Variants in DPP9 observed in about 807,000 individuals in gnomAD.
DPP9 encodes dipeptidyl peptidase 9, also known as dipeptidyl peptidase IV-related protein-2.
DPP9 carries 50 observed loss-of-function variants against 110.7 expected under a neutral mutation model. The observed-to-expected ratio is 0.45, with a 90% CI of 0.36 to 0.57. The LOEUF is 0.57. DPP9 is among the 20% of genes least tolerant of loss of function. DPP9 has a pLI of 0.00. For synonymous variants in DPP9, 561 were observed against 514.4 expected (o/e 1.09, Z -1.23); for missense variants, 1,022 against 1,217.9 (o/e 0.84, Z 2.39).
In DPP9 at chr19:4,685,075, C is replaced by G. The variant is rs1464343053; in HGVS notation, c.2032-266G>C. 3.1e-6 allele frequency: 2 copies of G among 642,228 alleles called. No individual in the cohort carries two copies. Among genetic ancestry groups the G allele is most frequent in the Non-Finnish European group, 5.8e-6 (2 of 346,784 alleles). 39.8% of individuals were successfully genotyped at this position (642,228 alleles called of 1,614,324 possible). On this transcript the variant is annotated intron_variant, in intron 17 of 21. Coordinates refer to ENST00000262960, the MANE Select transcript of DPP9 (RefSeq NM_139159.5). This position sits in a 1 kb window ranked among gnomAD's most constrained non-coding sequence, Gnocchi z 5.8. Reference sequence around the variant, plus strand: ...GCCCCAGTCCTGCCTGGAACAACTACTCTGGCATGATGGACATTGGGGTGG... The same window carrying G: ...GCCCCAGTCCTGCCTGGAACAACTAGTCTGGCATGATGGACATTGGGGTGG...
chr19:4,713,509 C>T (rs994826592), intron 4 of DPP9, among the ~76,000 whole-genome samples: 2 of 152,104 alleles, frequency 1.3e-5, no homozygotes, highest in Non-Finnish European at 1.5e-5. Context: ...AGTGTGGATC[C>T]AGAGCCTGCA....
intron 11 of DPP9, among the ~76,000 whole-genome samples, chr19:4,697,152 G>A (rs1452336805): frequency 6.6e-6 from 1 of 151,798 alleles, no homozygotes; most frequent in Non-Finnish European, 1.5e-5. Flanking sequence ...TGGGGCCCCC[G>A]TTTAGGGAGG....
At position 4,694,575 on chromosome 19, in the gene DPP9, G is replaced by T. The variant is rs569998300; in HGVS notation, c.1516+86C>A. 93 of 1,462,696 alleles carry T rather than the reference G, an allele frequency of 6.4e-5. No homozygotes were observed. In the South Asian group the frequency reaches 9.9e-4, roughly 16 times the overall value. 90.6% of individuals were successfully genotyped at this position (1,462,696 alleles called of 1,614,324 possible). A position where few individuals can be genotyped will look rare whatever the true frequency, so the allele number is the denominator to read the frequency against. On this transcript the variant is annotated intron_variant, in intron 13 of 21. Transcript: ENST00000262960. The surrounding 1 kb of genome is among the most constrained non-coding windows in gnomAD (Gnocchi z 4.0). ...CTCCCGCAGGGTGTGCTGGCTGAGTGGGGGGGCCGACCAATGAACAAACAG... is the reference window on the plus strand; with the variant it reads ...CTCCCGCAGGGTGTGCTGGCTGAGTTGGGGGGCCGACCAATGAACAAACAG...
At position 4,710,232 on chromosome 19, in the gene DPP9, T is replaced by TG. The variant is rs143151614; in HGVS notation, c.313+3848dup. 2.6e-5 allele frequency among the ~76,000 whole-genome samples: 4 copies of TG among 151,478 alleles called. No individual in the cohort carries two copies. The highest frequency in any genetic ancestry group is 9.7e-5 in the African/African-American group (4 of 41,148). On this transcript the variant is annotated intron_variant, in intron 4 of 21. Coordinates refer to ENST00000262960, the MANE Select transcript of DPP9 (RefSeq NM_139159.5). This position sits in a 1 kb window ranked among gnomAD's most constrained non-coding sequence, Gnocchi z 5.6. ...CTGTGGCCTCGAGTGGCTGGCCTGGTGGGGGATCGTGATCCACACAGGGCT... is the reference window on the plus strand; with the variant it reads ...CTGTGGCCTCGAGTGGCTGGCCTGGTGGGGGGATCGTGATCCACACAGGGCT...
At chr19:4,690,761 G>T in intron 14 of DPP9, 117 bp downstream of exon 14, 4 of 836,234 alleles carry the variant, frequency 4.8e-6, no homozygotes, top group Non-Finnish European at 7.8e-6. Context: ...GTGTATGTGT[G>T]AGAATGAGTA....
In DPP9 at chr19:4,700,471, A is replaced by G. The variant is rs543585285; in HGVS notation, c.1013-194T>C. The stretch of plus-strand genomic sequence containing the variant: ...CTGCTGGAACAGGCATGACACCCTC[A>G]GGTGGGGACCTTCTGACTTTGGGCC... On this transcript the variant is annotated intron_variant, in intron 9 of 21. Coordinates refer to ENST00000262960, the MANE Select transcript of DPP9 (RefSeq NM_139159.5). The surrounding 1 kb of genome is among the most constrained non-coding windows in gnomAD (Gnocchi z 4.3). Among the ~76,000 whole-genome samples the G allele has an allele frequency of 5.3e-5, 8 of 152,324 alleles. No homozygotes were observed. The highest frequency in any genetic ancestry group is 3.9e-4 in the Admixed American group (6 of 15,300).
At chr19:4,716,712 G>A (rs2093097091) in intron 3 of DPP9, among the ~76,000 whole-genome samples, 1 of 152,070 alleles carries the variant, frequency 6.6e-6, no homozygotes, top group Non-Finnish European at 1.5e-5. Flanking sequence ...ACTTGGGCTT[G>A]TGACAGCCCA....
At position 4,704,126 on chromosome 19, in the gene DPP9, C is replaced by A; in HGVS notation, c.600+5G>T. 1 of 1,613,934 alleles carries A rather than the reference C, an allele frequency of 6.2e-7. No homozygotes were observed. Among genetic ancestry groups the A allele is most frequent in the East Asian group, 2.2e-5 (1 of 44,894 alleles). ...CCCCCGCACACAGCCAGGGCCAGGGCTCACCATGAAGCCGTTCTTGCCGCC... is the reference window on the plus strand; with the variant it reads ...CCCCCGCACACAGCCAGGGCCAGGGATCACCATGAAGCCGTTCTTGCCGCC... On this transcript the variant is annotated splice_donor_5th_base_variant and intron_variant, in intron 6 of 21. Transcript: ENST00000262960. The surrounding 1 kb of genome is among the most constrained non-coding windows in gnomAD (Gnocchi z 6.0).
In DPP9 at chr19:4,719,834, T is replaced by G. The variant is rs1183389457; in HGVS notation, c.56+17A>C. On this transcript the variant is annotated intron_variant, in intron 3 of 21. Coordinates refer to ENST00000262960, the MANE Select transcript of DPP9 (RefSeq NM_139159.5). The stretch of plus-strand genomic sequence containing the variant: ...GGCCACATCCTCACGGATCAGGGCC[T>G]CCGAGGCCAACCTCACCTTCTCCAA... 4 of 1,551,744 alleles carry G rather than the reference T, an allele frequency of 2.6e-6. No homozygotes were observed. In the East Asian group the frequency reaches 9.8e-5, roughly 38 times the overall value.
chr19:4,713,891 C>T (rs749068290), intron 4 of DPP9, among the ~76,000 whole-genome samples, 190 bp downstream of exon 4: 3 of 152,306 alleles, frequency 2.0e-5, no homozygotes, highest in Admixed American at 6.5e-5. Context: ...GGGGCCGCCC[C>T]ACCCACCCCG....
rs1306213465 is a variant in DPP9 at position 4,694,887 on chromosome 19, C to T, written c.1354-64G>A. On this transcript the variant is annotated intron_variant, in intron 12 of 21. Coordinates refer to ENST00000262960, the MANE Select transcript of DPP9 (RefSeq NM_139159.5). The surrounding 1 kb of genome is among the most constrained non-coding windows in gnomAD (Gnocchi z 4.0). ...GGGTGGCCGGGCATGGTGGCTCACA[C>T]CAGTAATCCCAGTAGTTTGGGAGGC... The T allele has an allele frequency of 6.6e-6, 10 of 1,526,652 alleles. No individual in the cohort carries two copies. Among genetic ancestry groups the T allele is most frequent in the African/African-American group, 1.4e-5 (1 of 73,150 alleles). 94.6% of individuals were successfully genotyped at this position (1,526,652 alleles called of 1,614,324 possible).
Position 4,684,940 on chromosome 19 carries a change from G to A in DPP9, c.2032-131C>T, listed in dbSNP as rs375654951. 91 of 1,217,550 alleles carry A rather than the reference G, an allele frequency of 7.5e-5. No homozygotes were observed. Among genetic ancestry groups the A allele is most frequent in the South Asian group, 1.4e-4 (11 of 76,872 alleles). The allele number at this position is 1,217,550 out of a possible 1,614,324, so 75.4% of individuals were successfully genotyped here. A position where few individuals can be genotyped will look rare whatever the true frequency, so the allele number is the denominator to read the frequency against. Reference sequence around the variant, plus strand: ...AGCCTAATGAAAGCACCTGTGCCCCGGAGGCTCTGGATGGACACCTGGGAG... The same window carrying A: ...AGCCTAATGAAAGCACCTGTGCCCCAGAGGCTCTGGATGGACACCTGGGAG... On this transcript the variant is annotated intron_variant, in intron 17 of 21. Coordinates refer to ENST00000262960, the MANE Select transcript of DPP9 (RefSeq NM_139159.5). This position sits in a 1 kb window ranked among gnomAD's most constrained non-coding sequence, Gnocchi z 4.8.
chr19:4,719,362 AT>A (rs1482839845), intron 3 of DPP9: 2 of 151,600 alleles, frequency 1.3e-5, no homozygotes, highest in African/African-American at 2.4e-5. Flanking sequence ...AAATAAATAA[AT>A]AAATAAAAAT....
rs530293256 is a variant in DPP9, at chr19:4,718,700, A to G, written c.56+1151T>C. Among the ~76,000 whole-genome samples the G allele has an allele frequency of 2.0e-4, 30 of 152,270 alleles. No individual in the cohort carries two copies. In the South Asian group the frequency reaches 3.1e-3, roughly 16 times the overall value. ...GGAAGGGACACAGATCCCCTTCAGTAACTGACCCCTAAGGCATGTGCCCAC... is the reference window on the plus strand; with the variant it reads ...GGAAGGGACACAGATCCCCTTCAGTGACTGACCCCTAAGGCATGTGCCCAC... On this transcript the variant is annotated intron_variant, in intron 3 of 21. Coordinates refer to ENST00000262960, the MANE Select transcript of DPP9 (RefSeq NM_139159.5). This position sits in a 1 kb window ranked among gnomAD's most constrained non-coding sequence, Gnocchi z 4.3.
chr19:4,695,526 TG>T lies in DPP9; in HGVS notation c.1204del (p.Gln402SerfsTer25). ...YAWAMFLDRPQQWLQLVLLPP... is the reference protein window; with the variant it reads ...YAWAMFLDRPXQWLQLVLLPP... ...GAGGAGGACGAGCTGGAGCCACTGC[TG>T]GGGCCGGTCCAGGAACATGGCCCAG... On this transcript the variant is annotated frameshift_variant, in exon 12 of 22. Transcript: ENST00000262960. LOFTEE classifies it high-confidence loss of function. This position sits in a 1 kb window ranked among gnomAD's most constrained non-coding sequence, Gnocchi z 4.7. The T allele has an allele frequency of 6.6e-7, 1 of 1,512,264 alleles. No homozygotes were observed. Among genetic ancestry groups the T allele is most frequent in the South Asian group, 1.3e-5 (1 of 75,590 alleles). 93.7% of individuals were successfully genotyped at this position (1,512,264 alleles called of 1,614,324 possible).
intron 4 of DPP9, among the ~76,000 whole-genome samples, chr19:4,707,392 C>G (rs2092636769): frequency 6.6e-6 from 1 of 152,070 alleles, no homozygotes; most frequent in Non-Finnish European, 1.5e-5. Flanking sequence ...CCCTGGGAAG[C>G]CTCGGTTTCC....
At chr19:4,722,042 G>T (rs2093347370) in intron 2 of DPP9, among the ~76,000 whole-genome samples, 1 of 152,164 alleles carries the variant, frequency 6.6e-6, no homozygotes, top group African/African-American at 2.4e-5. Flanking sequence ...AATTGAATGA[G>T]ACTGCACACA....
In DPP9 at chr19:4,719,903, G is replaced by T; in HGVS notation, c.4C>A (p.Arg2=). The T allele has an allele frequency of 6.4e-7, 1 of 1,551,676 alleles. No homozygotes were observed. Among genetic ancestry groups the T allele is most frequent in the Non-Finnish European group, 8.7e-7 (1 of 1,147,000 alleles). ...TCCAGGCGCAGTTTCTTAACCTTCC[G>T]CATTAACCGCTCAGCTGACCTCAGG... M[R]KVKKLRLDKE... is the part of the protein sequence containing the mutation. Residue 2 remains arginine, a synonymous_variant, in exon 3 of 22, where the codon CGG becomes AGG. Coordinates refer to ENST00000262960, the MANE Select transcript of DPP9 (RefSeq NM_139159.5).
At chr19:4,679,377 G>A (rs2089456289) in intron 21 of DPP9, 1 of 162,588 alleles carries the variant, frequency 6.2e-6, no homozygotes, top group African/African-American at 2.4e-5. Context: ...GGTCCCCCAA[G>A]CCTGGCTGGC....
Sources: gnomAD v4.1 joint callset for allele counts (sites outside exome capture counted in the v4.1 genomes callset) on GRCh38, gnomAD v4.1.1 for gene constraint, Gnocchi (gnomAD v3.1) non-coding constraint, MANE v1.5 for transcripts, NCBI Gene and HGNC (gene_info 2026-07-23, HGNC 2026-07-21) for gene names.